The following NUP205 variants were observed in gnomAD, a reference collection of about 807,000 sequenced individuals.
NUP205 encodes nucleoporin 205.
A neutral mutation model predicts 253.8 loss-of-function variants in NUP205; 76 were observed. That is an observed-to-expected ratio of 0.30 (90% CI 0.25 to 0.36). The LOEUF is 0.36. NUP205 is among the 10% of genes least tolerant of loss of function. The pLI, the probability that NUP205 is intolerant of heterozygous loss-of-function variation, is 1.00. For synonymous variants in NUP205, 832 were observed against 850.1 expected (o/e 0.98, Z 0.37); for missense variants, 2,162 against 2,425.5 (o/e 0.89, Z 2.28).
chr7:135,598,320 T>C (rs1793891858), intron 15 of NUP205, 113 bp downstream of exon 15: 7 of 969,024 alleles, frequency 7.2e-6, no homozygotes, highest in Non-Finnish European at 1.1e-5. Flanking sequence ...AAATTCACAG[T>C]CTTTGTTTTG....
Position 135,616,000 on chromosome 7 carries a change from A to C in NUP205, c.3395A>C (p.Gln1132Pro). Residue 1132 changes from glutamine (Q) to proline (P), a missense_variant, in exon 24 of 43, where the codon CAG becomes CCG. Around this residue, in one of 5 missense-constraint regions of NUP205, gnomAD observed 1,144 missense variants for 1,280.9 expected, o/e 0.89. Coordinates refer to ENST00000285968, the MANE Select transcript of NUP205 (RefSeq NM_015135.3). Reference sequence around the variant, plus strand: ...CTAAGGGTAACCTCTCTGAATCGTCAGCGGTCACATACCCAGAGGCTCCTA... The same window carrying C: ...CTAAGGGTAACCTCTCTGAATCGTCCGCGGTCACATACCCAGAGGCTCCTA... The part of the protein sequence containing the change: ...IELRVTSLNR[Q>P]RSHTQRLLHL... 1 of 1,613,930 alleles carries C rather than the reference A, an allele frequency of 6.2e-7. No homozygotes were observed. The highest frequency in any genetic ancestry group is 1.1e-5 in the South Asian group (1 of 91,076).
At chr7:135,604,761 T>C (rs1201134885) in intron 19 of NUP205, among the ~76,000 whole-genome samples, 2 of 152,234 alleles carry the variant, frequency 1.3e-5, no homozygotes, top group Non-Finnish European at 2.9e-5. Context: ...TTAACTTGTT[T>C]GTTTACTGCT....
chr7:135,618,973 A>G (rs112451155), intron 28 of NUP205, among the ~76,000 whole-genome samples: 14 of 152,222 alleles, frequency 9.2e-5, no homozygotes, highest in African/African-American at 1.2e-4. Context: ...ATTTCTCTGT[A>G]TATATTAGAT....
At chr7:135,591,414 T>A in intron 10 of NUP205, 36 bp from the exon 11 acceptor site, 5 of 1,594,260 alleles carry the variant, frequency 3.1e-6, no homozygotes, top group Non-Finnish European at 4.3e-6. Flanking sequence ...AGTTAAGATA[T>A]ACATTATATA....
chr7:135,615,280 A>G (rs535978792), intron 23 of NUP205, among the ~76,000 whole-genome samples: 190 of 152,254 alleles, frequency 1.2e-3, no homozygotes, highest in African/African-American at 4.4e-3. Context: ...TTATTGTAGG[A>G]CCAGGCACAG....
At chr7:135,563,291 G>C (rs189796055) in intron 1 of NUP205, among the ~76,000 whole-genome samples, 1 of 152,080 alleles carries the variant, frequency 6.6e-6, no homozygotes, top group Non-Finnish European at 1.5e-5. Flanking sequence ...GGGTTCAAGC[G>C]ATTCTCCTGC....
intron 17 of NUP205, among the ~76,000 whole-genome samples, chr7:135,602,191 C>G (rs1178895819): frequency 6.6e-6 from 1 of 152,178 alleles, no homozygotes; most frequent in Non-Finnish European, 1.5e-5. Context: ...TGAACAATAA[C>G]TGTATAGTCA....
intron 13 of NUP205, among the ~76,000 whole-genome samples, chr7:135,595,685 A>G (rs546894461): frequency 1.6e-4 from 25 of 152,168 alleles, no homozygotes; most frequent in Non-Finnish European, 3.1e-4. Context: ...GTGGGGAAAT[A>G]AATGGATGAT....
At chr7:135,635,794 A>G (rs1474154674) in intron 36 of NUP205, 137 bp downstream of exon 36, 2 of 511,996 alleles carry the variant, frequency 3.9e-6, no homozygotes, top group Non-Finnish European at 3.6e-6. Context: ...TAATATGCTT[A>G]TATTGCTGCT....
rs1288019846 is a variant in NUP205 at position 135,557,982 on chromosome 7, G to T, written c.28+10G>T. 1 of 1,610,914 alleles carries T rather than the reference G, an allele frequency of 6.2e-7. No individual in the cohort carries two copies. On this transcript the variant is annotated intron_variant, in intron 1 of 42. Coordinates refer to ENST00000285968, the MANE Select transcript of NUP205 (RefSeq NM_015135.3). ...TTGGCGGTAAATTCGGGTAAGTGTG[G>T]CCAGACAGAAAGACGATTGAGCTGA... is the stretch of plus-strand genomic sequence containing the variant.
chr7:135,622,886 G>C lies in NUP205; in HGVS notation c.4440G>C (p.Val1480=), dbSNP rs761855256. The C allele has an allele frequency of 1.9e-6, 3 of 1,614,100 alleles. No homozygotes were observed. The highest frequency in any genetic ancestry group is 2.2e-5 in the South Asian group (2 of 91,078). Reference sequence around the variant, plus strand: ...GTTATGGCGCCGCCCTCATGGAAGTGGTCTGTCGAGATGCTTGTGATGGTC... The same window carrying C: ...GTTATGGCGCCGCCCTCATGGAAGTCGTCTGTCGAGATGCTTGTGATGGTC... ...IESYGAALME[V]VCRDACDGHE... The change falls in exon 31 of 43, where the codon GTG becomes GTC. Residue 1480 remains valine (V), a synonymous_variant. Transcript: ENST00000285968.
At chr7:135,594,210 A>G (rs1793766852) in intron 12 of NUP205, among the ~76,000 whole-genome samples, 2 of 152,098 alleles carry the variant, frequency 1.3e-5, no homozygotes, top group African/African-American at 4.8e-5. Context: ...TTTATATTGC[A>G]GTATAATATA....
chr7:135,573,036 G>A (rs951790709), intron 2 of NUP205, among the ~76,000 whole-genome samples: 1 of 150,616 alleles, frequency 6.6e-6, no homozygotes, highest in Non-Finnish European at 1.5e-5. Context: ...TCCAGTCTTG[G>A]CTGTACCACT....
rs533117752 is a variant in NUP205, at chr7:135,644,361, T to C, written c.5560-534T>C. ...AATTGCATCATCATCATGAAGCGCGTGGCCTTCCATCAGCCTCACTTCAGT... is the reference window on the plus strand; with the variant it reads ...AATTGCATCATCATCATGAAGCGCGCGGCCTTCCATCAGCCTCACTTCAGT... On this transcript the variant is annotated intron_variant, in intron 39 of 42. Coordinates refer to ENST00000285968, the MANE Select transcript of NUP205 (RefSeq NM_015135.3). 2.0e-3 allele frequency among the ~76,000 whole-genome samples: 302 copies of C among 152,320 alleles called. 4 individuals carry two copies. The highest frequency in any genetic ancestry group is 2.1e-3 in the Non-Finnish European group (142 of 68,028).
intron 22 of NUP205, among the ~76,000 whole-genome samples, chr7:135,610,830 C>CA (rs1385695893): frequency 2.0e-5 from 3 of 152,160 alleles, no homozygotes; most frequent in Admixed American, 6.5e-5. Flanking sequence ...TCCTGCAACA[C>CA]AAGGGCTTCT....
Position 135,594,560 on chromosome 7 carries a change from G to C in NUP205, c.1844G>C (p.Arg615Pro), listed in dbSNP as rs759050051. 2.5e-6 allele frequency: 4 copies of C among 1,594,856 alleles called. No homozygotes were observed. In the East Asian group the frequency reaches 9.0e-5, roughly 36 times the overall value. ...STIITWSENA[R>P]LALCEHPQWT... ...GTCAATTCTTAGAGTGAAAATGCTCGCTTGGCACTCTGTGAACACCCTCAG... is the reference window on the plus strand; with the variant it reads ...GTCAATTCTTAGAGTGAAAATGCTCCCTTGGCACTCTGTGAACACCCTCAG... Residue 615 changes from arginine (R) to proline (P), a missense_variant, in exon 13 of 43, where the codon CGC (arginine) becomes CCC (proline). By Grantham distance (103) the Arg-to-Pro change is moderately radical (BLOSUM62 -2). Around this residue, in one of 5 missense-constraint regions of NUP205, gnomAD observed 892 missense variants for 957.1 expected, o/e 0.93. Transcript: ENST00000285968.
chr7:135,642,132 G>A (rs905710988), intron 38 of NUP205, among the ~76,000 whole-genome samples: 1 of 151,836 alleles, frequency 6.6e-6, no homozygotes, highest in Admixed American at 6.6e-5. Context: ...GCATGCGCCT[G>A]TAATCCCAGC....
chr7:135,625,591 C>T (rs767643394), intron 32 of NUP205, among the ~76,000 whole-genome samples: 3 of 152,096 alleles, frequency 2.0e-5, no homozygotes, highest in Non-Finnish European at 4.4e-5. Context: ...TCAGGTTGCT[C>T]ATGATGGCAA....
Position 135,638,607 on chromosome 7 carries a change from C to A in NUP205, c.5316C>A (p.Ser1772=). Residue 1772 remains serine, a synonymous_variant, in exon 38 of 43, where the codon TCC becomes TCA. Coordinates refer to ENST00000285968, the MANE Select transcript of NUP205 (RefSeq NM_015135.3). The part of the protein sequence containing the change: ...EYCQSLMLQS[S]PTFQHAVCLF... ...GCCAGTCACTCATGTTACAGAGTTC[C>A]CCTACCTTCCAGCATGCTGTGTGTC... The A allele has an allele frequency of 6.2e-7, 1 of 1,613,666 alleles. No homozygotes were observed. The highest frequency in any genetic ancestry group is 1.3e-5 in the African/African-American group (1 of 74,986).
Sources: allele counts gnomAD v4.1 joint callset (sites outside exome capture counted in the v4.1 genomes callset), GRCh38; gene constraint gnomAD v4.1.1; regional missense constraint gnomAD v4.1.1; transcripts MANE v1.5; gene names NCBI Gene and HGNC (gene_info 2026-07-23, HGNC 2026-07-21).